Variants in CAPN13 observed in about 807,000 individuals in gnomAD.
CAPN13 encodes the protein calpain-13.
In CAPN13, 90 loss-of-function variants were observed where a neutral mutation model predicts 98.4. The ratio of observed to expected loss-of-function variants is 0.92; its 90% CI spans 0.77 to 1.09. The LOEUF is 1.09. Among genes scored for constraint, CAPN13 ranks in the 50% least tolerant of loss-of-function variants. CAPN13 has a pLI of 0.00. For synonymous variants in CAPN13, 330 were observed against 305.5 expected, an observed-to-expected ratio of 1.08 and a Z score of -0.84; for missense variants, 887 against 841.3, an observed-to-expected ratio of 1.05 and a Z score of -0.67.
At chr2:30,764,401 A>ACC in intron 5 of CAPN13, 95 bp from the exon 6 acceptor site, 1 of 1,397,600 alleles carries the variant, frequency 7.2e-7, no homozygotes, top group Non-Finnish European at 9.8e-7. Context: ...TTTCCCAGGT[A>ACC]AGGGGCTGCC....
At chr2:30,730,666 T>C in intron 22 of CAPN13, 64 bp downstream of exon 22, 1 of 767,080 alleles carries the variant, frequency 1.3e-6, no homozygotes, top group Admixed American at 1.7e-5. Context: ...TATGTGCAGT[T>C]CTTAGAGGGG....
intron 5 of CAPN13, among the ~76,000 whole-genome samples, chr2:30,768,553 C>T (rs1487783699): frequency 6.6e-6 from 1 of 152,190 alleles, no homozygotes; most frequent in Non-Finnish European, 1.5e-5. Context: ...AGTCCCTGCC[C>T]CTGGGCCTCT....
rs543568653 is a variant in CAPN13, at chr2:30,729,884, G to A, written c.*30+846C>T. The A allele has an allele frequency of 2.6e-5, 4 of 152,278 alleles. No homozygotes were observed. In the East Asian group the frequency reaches 5.8e-4, roughly 22 times the overall value. The allele number at this position is 152,278 out of a possible 1,614,324, so 9.4% of individuals were successfully genotyped here. ...GGCACATAGAGAATGGTCACCAGGA[G>A]GTCTGGATGAAAACCAACATGAATA... On this transcript the variant is annotated intron_variant, in intron 22 of 22. Transcript: ENST00000295055.
intron 11 of CAPN13, among the ~76,000 whole-genome samples, chr2:30,749,503 G>A (rs1384235995): frequency 6.6e-6 from 1 of 152,166 alleles, no homozygotes; most frequent in Non-Finnish European, 1.5e-5. Context: ...TGACACCCAA[G>A]GCTGTGAATT....
rs929178314 is a variant in CAPN13 at position 30,802,539 on chromosome 2, G to A, written c.-33+4763C>T. On this transcript the variant is annotated intron_variant, in intron 1 of 22. Transcript: ENST00000295055. The stretch of plus-strand genomic sequence containing the variant: ...TGAGTGAGTGAAGCAGAGAAAGGCA[G>A]GCTGGGGGGGGGGGGTGGTGGTTAG... Among the ~76,000 whole-genome samples the A allele has an allele frequency of 9.4e-4, 54 of 57,486 alleles. 1 individual carries two copies. The highest frequency in any genetic ancestry group is 2.6e-4 in the Non-Finnish European group (7 of 27,378). The allele number at this position is 57,486 out of a possible 152,430, so 37.7% of individuals were successfully genotyped here.
At chr2:30,780,153 G>A (rs17041560) in intron 2 of CAPN13, among the ~76,000 whole-genome samples, 78,177 of 152,020 alleles carry the variant, frequency 0.51, 21,100 homozygotes, top group South Asian at 0.67. Flanking sequence ...AGTATCACCC[G>A]CATGCGCTGT....
chr2:30,799,181 G>A (rs950070520), intron 1 of CAPN13, among the ~76,000 whole-genome samples: 3 of 152,120 alleles, frequency 2.0e-5, no homozygotes, highest in Non-Finnish European at 1.5e-5. Flanking sequence ...AAAGGAAGGA[G>A]GAGGAAGAGA....
At chr2:30,791,950 C>T (rs1294732657) in intron 1 of CAPN13, among the ~76,000 whole-genome samples, 3 of 152,050 alleles carry the variant, frequency 2.0e-5, no homozygotes, top group African/African-American at 4.8e-5. Flanking sequence ...TTACATCTGC[C>T]CAGAAACATG....
At chr2:30,798,514 G>T (rs1675007547) in intron 1 of CAPN13, among the ~76,000 whole-genome samples, 1 of 152,190 alleles carries the variant, frequency 6.6e-6, no homozygotes, top group Non-Finnish European at 1.5e-5. Context: ...GGTTGCTCTG[G>T]TGTCCCTGTC....
At chr2:30,732,683 A>G in intron 19 of CAPN13, 117 bp from the exon 20 acceptor site, 1 of 1,321,370 alleles carries the variant, frequency 7.6e-7, no homozygotes, top group African/African-American at 1.5e-5. Flanking sequence ...AACTCCTCCC[A>G]CTCAGCCCCC....
chr2:30,791,869 G>T (rs1335349637), intron 1 of CAPN13, among the ~76,000 whole-genome samples: 1 of 152,136 alleles, frequency 6.6e-6, no homozygotes, highest in African/African-American at 2.4e-5. Flanking sequence ...CTCTAATCTT[G>T]TCCTAACCTG....
chr2:30,759,040 CTCCT>C (rs200308561), intron 7 of CAPN13, among the ~76,000 whole-genome samples: 12,322 of 52,596 alleles, frequency 0.23, 961 homozygotes, highest in East Asian at 0.27. Flanking sequence ...CCCTCCCTCC[CTCCT>C]TCCTTCCTTC....
intron 1 of CAPN13, among the ~76,000 whole-genome samples, chr2:30,796,620 C>A (rs886102866): frequency 2.6e-5 from 4 of 152,024 alleles, no homozygotes; most frequent in African/African-American, 9.7e-5. Flanking sequence ...ATAGCAGAAT[C>A]AAAATTCTAA....
intron 1 of CAPN13, among the ~76,000 whole-genome samples, chr2:30,801,647 A>G (rs1226543547): frequency 6.6e-6 from 1 of 150,528 alleles, no homozygotes; most frequent in Admixed American, 6.6e-5. Context: ...GAAGAAAAAG[A>G]AAATGGAAAA....
chr2:30,747,848 G>A (rs1325828830), intron 11 of CAPN13, among the ~76,000 whole-genome samples: 1 of 152,244 alleles, frequency 6.6e-6, no homozygotes, highest in Non-Finnish European at 1.5e-5. Flanking sequence ...GATCTTGCAA[G>A]ATCTGCTGGG....
intron 11 of CAPN13, 42 bp downstream of exon 11, chr2:30,751,061 C>T (rs1320325047): frequency 1.2e-6 from 2 of 1,603,930 alleles, no homozygotes; most frequent in Admixed American, 3.4e-5. Flanking sequence ...AAGGTTTACA[C>T]TAAATTTCTA....
Position 30,787,194 on chromosome 2 carries a change from ATC to A in CAPN13, c.130_131del (p.Asp44PhefsTer35), listed in dbSNP as rs1260194929. ...TFKDETFPAA[D>X]SSIGQKLLQE... ...GGAGCAGCTTCTGGCCTATGGAAGAATCTGCTGCAGGGAATGTCTCATCCTTA... is the reference window on the plus strand; with the variant it reads ...GGAGCAGCTTCTGGCCTATGGAAGAATGCTGCAGGGAATGTCTCATCCTTA... On this transcript the variant is annotated frameshift_variant, in exon 2 of 23. Coordinates refer to ENST00000295055, the MANE Select transcript of CAPN13 (RefSeq NM_144575.3). LOFTEE classifies it high-confidence loss of function. The A allele has an allele frequency of 6.2e-7, 1 of 1,601,442 alleles. No homozygotes were observed. The highest frequency in any genetic ancestry group is 1.7e-5 in the Admixed American group (1 of 58,146).
rs755135253 is a variant in CAPN13, at chr2:30,775,913, T to C, written c.387+17A>G. On this transcript the variant is annotated intron_variant, in intron 4 of 22. Coordinates refer to ENST00000295055, the MANE Select transcript of CAPN13 (RefSeq NM_144575.3). The stretch of plus-strand genomic sequence containing the variant: ...GAGAACCCCATCATATAATGAGCGC[T>C]GCAAGGGCACACGTACCCGGAAACG... 6 of 1,591,312 alleles carry C rather than the reference T, an allele frequency of 3.8e-6. No homozygotes were observed. Among genetic ancestry groups the C allele is most frequent in the Non-Finnish European group, 5.2e-6 (6 of 1,163,568 alleles).
intron 4 of CAPN13, among the ~76,000 whole-genome samples, chr2:30,774,134 C>A (rs190651143): frequency 1.3e-5 from 2 of 152,142 alleles, no homozygotes; most frequent in African/African-American, 2.4e-5. Flanking sequence ...AATGTATTAT[C>A]TTAAAAATTA....
Sources: allele counts gnomAD v4.1 joint callset (sites outside exome capture counted in the v4.1 genomes callset), GRCh38; gene constraint gnomAD v4.1.1; transcripts MANE v1.5; gene names NCBI Gene and HGNC (gene_info 2026-07-23, HGNC 2026-07-21).